The following CCDC77 variants were observed in gnomAD, a reference collection of about 807,000 sequenced individuals.
CCDC77 encodes the protein coiled-coil domain containing 77, also known as coiled-coil domain-containing protein 77.
Under a neutral mutation model 66.8 loss-of-function variants are expected in CCDC77, and 56 were observed. That is an observed-to-expected ratio of 0.84 (90% CI 0.68 to 1.05). The LOEUF is 1.05. Ranked by LOEUF, CCDC77 falls within the 50% of genes least tolerant of loss-of-function variation. The pLI, the probability that CCDC77 is intolerant of heterozygous loss-of-function variation, is 0.00. For missense variants in CCDC77, 570 were observed against 576.8 expected, an observed-to-expected ratio of 0.99 and a Z score of 0.12; for synonymous variants, 196 against 195.2, an observed-to-expected ratio of 1.00 and a Z score of -0.03.
intron 1 of CCDC77, among the ~76,000 whole-genome samples, chr12:391,945 CAG>C (rs1491295448): frequency 7.2e-5 from 11 of 152,176 alleles, no homozygotes; most frequent in South Asian, 2.1e-4. Flanking sequence ...ATGCTTCCCT[CAG>C]GGGGGGCACA....
intron 9 of CCDC77, 108 bp downstream of exon 9, chr12:433,430 C>G: frequency 6.8e-7 from 1 of 1,477,772 alleles, no homozygotes; most frequent in African/African-American, 1.4e-5. Context: ...TAAAGGGAGC[C>G]TTGAAAAGAC....
At chr12:428,441 G>A (rs935706461) in intron 5 of CCDC77, among the ~76,000 whole-genome samples, 3 of 150,180 alleles carry the variant, frequency 2.0e-5, no homozygotes, top group Non-Finnish European at 4.4e-5. Flanking sequence ...AACCCGGCAG[G>A]CGGAGGTTGC....
chr12:416,373 G>A (rs1237269824), intron 4 of CCDC77, among the ~76,000 whole-genome samples: 1,892 of 24,874 alleles, frequency 0.076, 166 homozygotes, highest in South Asian at 0.2. Flanking sequence ...GTGTGTGTGT[G>A]TGTGTATATA....
At chr12:403,405 G>A (rs904284262) in intron 1 of CCDC77, among the ~76,000 whole-genome samples, 2 of 152,232 alleles carry the variant, frequency 1.3e-5, no homozygotes, top group Non-Finnish European at 2.9e-5. Context: ...TAACTTGCCT[G>A]AGGTACACAG....
intron 2 of CCDC77, among the ~76,000 whole-genome samples, chr12:406,612 A>G (rs182990577): frequency 6.6e-6 from 1 of 152,314 alleles, no homozygotes; most frequent in African/African-American, 2.4e-5. Context: ...ACACATATAT[A>G]TTAATGTGTT....
chr12:391,384 G>T (rs1273161952), intron 1 of CCDC77, among the ~76,000 whole-genome samples: 1 of 152,040 alleles, frequency 6.6e-6, no homozygotes, highest in African/African-American at 2.4e-5. Flanking sequence ...GAACCCAGGA[G>T]GTGGAAGTTG....
At chr12:413,826 C>A (rs1338926094) in intron 4 of CCDC77, among the ~76,000 whole-genome samples, 3 of 151,312 alleles carry the variant, frequency 2.0e-5, no homozygotes, top group Non-Finnish European at 2.9e-5. Context: ...CAGGGTTTCA[C>A]TGTGTTGCCC....
At chr12:401,184 C>T (rs1565561777), upstream of CCDC77, among the ~76,000 whole-genome samples, 1 of 152,190 alleles carries the variant, frequency 6.6e-6, no homozygotes, top group African/African-American at 2.4e-5. Flanking sequence ...GTCCCCTGAC[C>T]GTAGAAACTG....
intron 4 of CCDC77, among the ~76,000 whole-genome samples, chr12:414,005 C>T (rs1395998449): frequency 6.6e-6 from 1 of 151,896 alleles, no homozygotes; most frequent in Non-Finnish European, 1.5e-5. Context: ...CTCCAAATAC[C>T]TGTTTACCAA....
intron 9 of CCDC77, among the ~76,000 whole-genome samples, chr12:434,717 C>G (rs756297807): frequency 1.2e-4 from 18 of 152,316 alleles, no homozygotes; most frequent in Middle Eastern, 6.8e-3. Flanking sequence ...TAGTATCTTC[C>G]TGCATGTTTG....
chr12:422,796 T>C (rs1945430206), intron 5 of CCDC77, among the ~76,000 whole-genome samples: 1 of 152,202 alleles, frequency 6.6e-6, no homozygotes, highest in Non-Finnish European at 1.5e-5. Flanking sequence ...GTAATTTCTG[T>C]AGAGACAGGG....
chr12:392,398 A>AT (rs1214238788), intron 1 of CCDC77, among the ~76,000 whole-genome samples: 3 of 152,176 alleles, frequency 2.0e-5, no homozygotes, highest in African/African-American at 7.2e-5. Flanking sequence ...TTCAAGAATA[A>AT]TTTCCACCAG....
chr12:390,047 G>C (rs1390458643), intron 1 of CCDC77: 1 of 126,008 alleles, frequency 7.9e-6, no homozygotes, highest in African/African-American at 3.0e-5. Context: ...ATAACTCAAA[G>C]TACTTTAATT....
chr12:398,315 C>G (rs1206703165), upstream of CCDC77, among the ~76,000 whole-genome samples: 3 of 152,168 alleles, frequency 2.0e-5, no homozygotes, highest in Admixed American at 2.0e-4. Flanking sequence ...TGGCAATGTT[C>G]ACAGCATCTT....
chr12:411,897 AAAG>A lies in CCDC77; in HGVS notation c.194_196del (p.Lys65del), dbSNP rs1441560641. 6.2e-7 allele frequency: 1 copy of A among 1,613,942 alleles called. No individual in the cohort carries two copies. Among genetic ancestry groups the A allele is most frequent in the African/African-American group, 1.3e-5 (1 of 74,882 alleles). ...CTAAGGAGCTCCTGGAATATTATCA[AAAG>A]AAGATGGCTGAGTGTGAGGCAGAAA... On this transcript the variant is annotated inframe_deletion, in exon 4 of 13. Transcript: ENST00000239830.
At chr12:423,470 G>GTTTTTTTTTTTTTTTT (rs1307027692) in intron 5 of CCDC77, among the ~76,000 whole-genome samples, 1 of 44,846 alleles carries the variant, frequency 2.2e-5, no homozygotes, top group Non-Finnish European at 4.5e-5. Flanking sequence ...TGTTTTTTGT[G>GTTTTTTTTTTTTTTTT]TTTTTTGTGT....
At chr12:427,364 A>G (rs1194289081) in intron 5 of CCDC77, among the ~76,000 whole-genome samples, 2 of 150,956 alleles carry the variant, frequency 1.3e-5, no homozygotes, top group Non-Finnish European at 2.9e-5. Context: ...TTTGAGCTAT[A>G]CTCTGTTGAC....
chr12:439,395 C>T (rs545698821), intron 10 of CCDC77, among the ~76,000 whole-genome samples: 1 of 151,970 alleles, frequency 6.6e-6, no homozygotes, highest in East Asian at 1.9e-4. Flanking sequence ...TGGTGGGCAC[C>T]TGTAATCCCA....
intron 4 of CCDC77, among the ~76,000 whole-genome samples, chr12:416,108 A>AT (rs1302660944): frequency 2.0e-5 from 3 of 151,040 alleles, no homozygotes; most frequent in Admixed American, 1.3e-4. Context: ...ACCCTGCCCA[A>AT]TTTTTTATTT....
Sources: allele counts gnomAD v4.1 joint callset (sites outside exome capture counted in the v4.1 genomes callset), GRCh38; gene constraint gnomAD v4.1.1; transcripts MANE v1.5; gene names NCBI Gene and HGNC (gene_info 2026-07-23, HGNC 2026-07-21).